Variants in PDE10A observed in about 807,000 individuals in gnomAD.
PDE10A encodes the protein phosphodiesterase 10A, also known as cAMP and cAMP-inhibited cGMP 3',5'-cyclic phosphodiesterase 10A.
In PDE10A, 39 loss-of-function variants were observed where a neutral mutation model predicts 97.7. That is an observed-to-expected ratio of 0.40 (90% CI 0.31 to 0.52). PDE10A has a LOEUF of 0.52. PDE10A is among the 20% of genes least tolerant of loss of function. The pLI is 0.56. For synonymous variants in PDE10A, 371 were observed against 376.8 expected (o/e 0.98, Z 0.18); for missense variants, 731 against 1,047.8 (o/e 0.70, Z 4.17).
intron 1 of PDE10A, among the ~76,000 whole-genome samples, chr6:165,656,749 C>T (rs1789990205): frequency 6.6e-6 from 1 of 152,208 alleles, no homozygotes; most frequent in African/African-American, 2.4e-5. Context: ...GGCACTGCCT[C>T]TTCACACCTT....
intron 13 of PDE10A, among the ~76,000 whole-genome samples, chr6:165,409,863 G>A (rs1787593169): frequency 6.7e-6 from 1 of 149,272 alleles, no homozygotes; most frequent in East Asian, 2.0e-4. Flanking sequence ...TGTAAAAATG[G>A]AATGCCTATT....
intron 13 of PDE10A, among the ~76,000 whole-genome samples, chr6:165,401,929 T>C (rs1224822379): frequency 1.3e-5 from 2 of 152,194 alleles, no homozygotes; most frequent in African/African-American, 2.4e-5. Context: ...ATAGCGTAGA[T>C]TCTGCTAGGA....
intron 1 of PDE10A, among the ~76,000 whole-genome samples, chr6:165,654,779 G>C (rs544039341): frequency 1.3e-5 from 2 of 152,204 alleles, no homozygotes; most frequent in South Asian, 4.1e-4. Flanking sequence ...TCCCGACCGA[G>C]GCCACGGACG....
At chr6:165,915,573 G>T (rs954374030) in intron 1 of PDE10A, among the ~76,000 whole-genome samples, 1 of 152,058 alleles carries the variant, frequency 6.6e-6, no homozygotes, top group Non-Finnish European at 1.5e-5. Flanking sequence ...AGTGGAGCTG[G>T]GTCTCTTCAT....
chr6:165,717,943 G>GT (rs1252030613), intron 1 of PDE10A, among the ~76,000 whole-genome samples: 10 of 152,240 alleles, frequency 6.6e-5, no homozygotes, highest in East Asian at 1.9e-4. Context: ...GATGTCTGGG[G>GT]TTTTTTTGTG....
intron 2 of PDE10A, among the ~76,000 whole-genome samples, chr6:165,515,831 A>G (rs969435045): frequency 6.6e-6 from 1 of 151,972 alleles, no homozygotes; most frequent in African/African-American, 2.4e-5. Flanking sequence ...CTATTTTCTT[A>G]TATTTAAGAC....
At chr6:165,784,234 AAG>A (rs1778429032) in intron 1 of PDE10A, among the ~76,000 whole-genome samples, 1 of 150,110 alleles carries the variant, frequency 6.7e-6, no homozygotes, top group African/African-American at 2.5e-5. Flanking sequence ...AAAAAAAAAA[AAG>A]AAAAAAGAAA....
At chr6:165,532,912 T>C (rs931666580) in intron 2 of PDE10A, among the ~76,000 whole-genome samples, 1 of 152,112 alleles carries the variant, frequency 6.6e-6, no homozygotes, top group African/African-American at 2.4e-5. Flanking sequence ...CATATATTCT[T>C]TCACCACAAA....
At chr6:165,814,785 AGCTAAG>A (rs1159132863) in intron 1 of PDE10A, among the ~76,000 whole-genome samples, 5 of 152,086 alleles carry the variant, frequency 3.3e-5, no homozygotes, top group Admixed American at 2.6e-4. Context: ...ACAAAGAGAA[AGCTAAG>A]GCCTTTAATT....
chr6:165,427,255 G>A (rs571930204), intron 10 of PDE10A, among the ~76,000 whole-genome samples: 14 of 152,180 alleles, frequency 9.2e-5, no homozygotes, highest in African/African-American at 2.6e-4. Context: ...AATCTGGTAC[G>A]TATATCCACA....
At chr6:165,883,092 C>A (rs539969282) in intron 1 of PDE10A, among the ~76,000 whole-genome samples, 5 of 152,008 alleles carry the variant, frequency 3.3e-5, no homozygotes, top group African/African-American at 1.2e-4. Flanking sequence ...AAAAATTAGT[C>A]GGGTGCAGTG....
intron 18 of PDE10A, among the ~76,000 whole-genome samples, chr6:165,344,409 A>C (rs1782174414): frequency 2.0e-5 from 3 of 152,208 alleles, no homozygotes; most frequent in Non-Finnish European, 4.4e-5. Flanking sequence ...CAAGGATATA[A>C]AAGTGTGTAA....
intron 1 of PDE10A, among the ~76,000 whole-genome samples, chr6:165,604,121 C>T (rs1002763598): frequency 6.6e-6 from 1 of 152,208 alleles, no homozygotes; most frequent in African/African-American, 2.4e-5. Flanking sequence ...TCCATCCTAA[C>T]ACCCATTTCT....
chr6:165,627,093 G>A (rs545099303), intron 1 of PDE10A, among the ~76,000 whole-genome samples: 5 of 152,272 alleles, frequency 3.3e-5, no homozygotes, highest in Admixed American at 2.0e-4. Flanking sequence ...CCATTGGTTC[G>A]AAAACTACCC....
At chr6:165,494,634 T>C (rs1780434458) in intron 2 of PDE10A, among the ~76,000 whole-genome samples, 1 of 151,920 alleles carries the variant, frequency 6.6e-6, no homozygotes, top group Non-Finnish European at 1.5e-5. Flanking sequence ...CATTTTGCAT[T>C]CCAAATTCTA....
intron 1 of PDE10A, among the ~76,000 whole-genome samples, chr6:165,905,312 T>C (rs1463514002): frequency 6.6e-6 from 1 of 152,210 alleles, no homozygotes; most frequent in East Asian, 1.9e-4. Context: ...AAAGTCTACA[T>C]AGAGGTTGTT....
intron 1 of PDE10A, among the ~76,000 whole-genome samples, chr6:165,598,745 A>G (rs1786753485): frequency 6.6e-6 from 1 of 152,214 alleles, no homozygotes; most frequent in Non-Finnish European, 1.5e-5. Context: ...ACTAATTTTC[A>G]AAGAAAAAAA....
intron 1 of PDE10A, among the ~76,000 whole-genome samples, chr6:165,581,818 C>T (rs1477075136): frequency 1.3e-5 from 2 of 152,126 alleles, no homozygotes; most frequent in Non-Finnish European, 2.9e-5. Context: ...CTAAACTGAT[C>T]TCATATTTAA....
chr6:165,835,861 C>A (rs116972699), intron 1 of PDE10A, among the ~76,000 whole-genome samples: 1 of 152,194 alleles, frequency 6.6e-6, no homozygotes, highest in East Asian at 1.9e-4. Flanking sequence ...AGTTGAGCCA[C>A]GATAAATTAT....
Sources: gnomAD v4.1 joint callset for allele counts (sites outside exome capture counted in the v4.1 genomes callset) on GRCh38, gnomAD v4.1.1 for gene constraint, MANE v1.5 for transcripts, NCBI Gene and HGNC (gene_info 2026-07-23, HGNC 2026-07-21) for gene names.